Variants in TAOK1 observed in about 807,000 individuals in gnomAD.
TAOK1 encodes TAO kinase 1.
Under a neutral mutation model 138.3 loss-of-function variants are expected in TAOK1, and 21 were observed. The ratio of observed to expected loss-of-function variants is 0.15; its 90% CI spans 0.11 to 0.22. The LOEUF is 0.22. Ranked by LOEUF, TAOK1 falls within the 10% of genes least tolerant of loss-of-function variation. TAOK1 has a pLI of 1.00. For synonymous variants in TAOK1, 361 were observed against 398.4 expected (o/e 0.91, Z 1.12); for missense variants, 651 against 1,227.7 (o/e 0.53, Z 7.02).
rs149795733 is a variant in TAOK1 at position 29,526,752 on chromosome 17, C to T, written c.2149-3655C>T. On this transcript the variant is annotated intron_variant, in intron 17 of 19. Coordinates refer to ENST00000261716, the MANE Select transcript of TAOK1 (RefSeq NM_020791.4). ...TTAAAATGGTGCTACTCAGCCTGAG[C>T]AACATAGTGAGACCCTGTCTCTAGA... 4.0e-3 allele frequency among the ~76,000 whole-genome samples: 544 copies of T among 135,450 alleles called. 1 individual carries two copies. Among genetic ancestry groups the T allele is most frequent in the African/African-American group, 0.014 (520 of 36,528 alleles). The allele number at this position is 135,450 out of a possible 152,430, so 88.9% of individuals were successfully genotyped here.
At position 29,508,069 on chromosome 17, in the gene TAOK1, T is replaced by G; in HGVS notation, c.1512T>G (p.Arg504=). Residue 504 remains arginine (R), a synonymous_variant, in exon 14 of 20, where the codon CGT becomes CGG. Transcript: ENST00000261716. The part of the protein sequence containing the change: ...LRLDKDLETQ[R]NNFAAEMEKL... The stretch of plus-strand genomic sequence containing the variant: ...TAGACAAAGATCTTGAAACTCAGCG[T>G]AACAATTTTGCTGCAGAAATGGAGA... The G allele has an allele frequency of 2.5e-6, 4 of 1,614,100 alleles. No homozygotes were observed. Among genetic ancestry groups the G allele is most frequent in the Non-Finnish European group, 3.4e-6 (4 of 1,179,984 alleles).
intron 19 of TAOK1, among the ~76,000 whole-genome samples, chr17:29,536,443 CAA>C (rs912319418): frequency 1.3e-5 from 2 of 151,548 alleles, no homozygotes; most frequent in Admixed American, 6.6e-5. Flanking sequence ...ACTAAAAATA[CAA>C]AAAATTAACC....
At chr17:29,540,664 A>G (rs2032300423) in intron 19 of TAOK1, among the ~76,000 whole-genome samples, 1 of 152,066 alleles carries the variant, frequency 6.6e-6, no homozygotes, top group Non-Finnish European at 1.5e-5. Context: ...TCCGCCTCCT[A>G]GGTTCAAGCG....
chr17:29,443,999 C>T (rs902293629), intron 1 of TAOK1, among the ~76,000 whole-genome samples: 2 of 151,938 alleles, frequency 1.3e-5, no homozygotes, highest in Non-Finnish European at 2.9e-5. Flanking sequence ...CCTGTAATCC[C>T]AGCTACATGG....
At chr17:29,506,844 A>G (rs1305265818) in intron 13 of TAOK1, among the ~76,000 whole-genome samples, 3 of 152,214 alleles carry the variant, frequency 2.0e-5, no homozygotes, top group Non-Finnish European at 4.4e-5. Context: ...GATGGAAAGA[A>G]CACAAATGTC....
chr17:29,541,239 A>C (rs929480919), intron 19 of TAOK1, among the ~76,000 whole-genome samples: 7 of 150,304 alleles, frequency 4.7e-5, no homozygotes, highest in Admixed American at 1.3e-4. Flanking sequence ...CCTCCCAAGA[A>C]GCAGGGATTA....
chr17:29,411,342 C>T (rs1434426381), intron 1 of TAOK1, among the ~76,000 whole-genome samples: 11 of 151,934 alleles, frequency 7.2e-5, no homozygotes, highest in Non-Finnish European at 4.4e-5. Flanking sequence ...CCGCCCGCCT[C>T]GGCCTCCCAA....
chr17:29,410,743 C>G (rs2153020923), intron 1 of TAOK1, among the ~76,000 whole-genome samples: 1 of 148,848 alleles, frequency 6.7e-6, no homozygotes, highest in Admixed American at 6.9e-5. Flanking sequence ...TCAAGCGATT[C>G]TCCTGCCTCA....
chr17:29,406,862 T>G (rs1905006282), intron 1 of TAOK1, among the ~76,000 whole-genome samples: 1 of 152,000 alleles, frequency 6.6e-6, no homozygotes, highest in Non-Finnish European at 1.5e-5. Context: ...GCTACCATGC[T>G]TAGCCATTTT....
At chr17:29,448,745 TAGG>T (rs1407205964) in intron 1 of TAOK1, among the ~76,000 whole-genome samples, 1 of 152,232 alleles carries the variant, frequency 6.6e-6, no homozygotes, top group Non-Finnish European at 1.5e-5. Context: ...AAATCATTTT[TAGG>T]AGTTACATAG....
chr17:29,519,337 C>A (rs887177768), intron 16 of TAOK1, among the ~76,000 whole-genome samples: 1 of 151,776 alleles, frequency 6.6e-6, no homozygotes, highest in Non-Finnish European at 1.5e-5. Context: ...ATAGTGAAAC[C>A]CCATCTCTAC....
At chr17:29,480,505 C>T (rs760282156) in intron 7 of TAOK1, 24 bp downstream of exon 7, 5 of 1,568,312 alleles carry the variant, frequency 3.2e-6, no homozygotes, top group Non-Finnish European at 4.4e-6. Context: ...AAGCAGTCAG[C>T]AGCTGTTTTA....
At chr17:29,467,259 C>A in intron 3 of TAOK1, 43 bp downstream of exon 3, 2 of 1,247,626 alleles carry the variant, frequency 1.6e-6, no homozygotes, top group Non-Finnish European at 2.3e-6. Flanking sequence ...TTATATTTAT[C>A]TCAGAATAAA....
At chr17:29,417,060 C>T (rs888342734) in intron 1 of TAOK1, among the ~76,000 whole-genome samples, 3 of 151,994 alleles carry the variant, frequency 2.0e-5, no homozygotes, top group Admixed American at 1.3e-4. Flanking sequence ...GTCGTCCAGG[C>T]GGGAGTGCAG....
intron 1 of TAOK1, among the ~76,000 whole-genome samples, chr17:29,414,192 C>T (rs975447678): frequency 4.0e-5 from 6 of 149,836 alleles, no homozygotes; most frequent in Admixed American, 6.7e-5. Flanking sequence ...CTGTTTCTAG[C>T]TTCTTTTACT....
At position 29,430,429 on chromosome 17, in the gene TAOK1, G is replaced by A. The variant is rs1411706151; in HGVS notation, c.-94-21026G>A. Among the ~76,000 whole-genome samples, 6 of 152,140 alleles carry A rather than the reference G, an allele frequency of 3.9e-5. No homozygotes were observed. In the South Asian group the frequency reaches 6.2e-4, roughly 16 times the overall value. ...AGGTCACACTCCTGTGCAAACATCC[G>A]ATTGGTTGCAAAAACTTTGTAACTT... is the stretch of plus-strand genomic sequence containing the variant. On this transcript the variant is annotated intron_variant, in intron 1 of 19. Coordinates refer to ENST00000261716, the MANE Select transcript of TAOK1 (RefSeq NM_020791.4).
rs544375998 is a variant in TAOK1 at position 29,503,733 on chromosome 17, G to C, written c.1338+1010G>C. 5.3e-5 allele frequency among the ~76,000 whole-genome samples: 8 copies of C among 152,288 alleles called. No homozygotes were observed. The South Asian group carries it at 1.7e-3, about 32-fold the overall frequency. On this transcript the variant is annotated intron_variant, in intron 13 of 19. Coordinates refer to ENST00000261716, the MANE Select transcript of TAOK1 (RefSeq NM_020791.4). ...CTCATGCCTGTAATTGTAGCACTTT[G>C]GGAGGCTGAGGTGGGCGGACCACTT...
chr17:29,531,711 C>A (rs1172862585), intron 18 of TAOK1, among the ~76,000 whole-genome samples: 1 of 150,822 alleles, frequency 6.6e-6, no homozygotes, highest in Non-Finnish European at 1.5e-5. Context: ...TGCAGTGAGC[C>A]GAGATTGCGC....
rs191275857 is a variant in TAOK1 at position 29,455,144 on chromosome 17, C to G, written c.132+3464C>G. Among the ~76,000 whole-genome samples the G allele has an allele frequency of 1.9e-3, 290 of 152,068 alleles. 1 individual carries two copies. Among genetic ancestry groups the G allele is most frequent in the Non-Finnish European group, 8.5e-4 (58 of 68,010 alleles). On this transcript the variant is annotated intron_variant, in intron 2 of 19. Transcript: ENST00000261716. ...CAGGCTGGTCTTGAACTCCTGACCTCAAGTGATCTGCCTGCCTCAGCCTCC... is the reference window on the plus strand; with the variant it reads ...CAGGCTGGTCTTGAACTCCTGACCTGAAGTGATCTGCCTGCCTCAGCCTCC...
Sources: gnomAD v4.1 joint callset for allele counts (sites outside exome capture counted in the v4.1 genomes callset) on GRCh38, gnomAD v4.1.1 for gene constraint, MANE v1.5 for transcripts, NCBI Gene and HGNC (gene_info 2026-07-23, HGNC 2026-07-21) for gene names.